Variants in ZFAT observed in about 807,000 individuals in gnomAD.
ZFAT encodes the protein zinc finger protein ZFAT.
A neutral mutation model predicts 117.7 loss-of-function variants in ZFAT; 64 were observed. The observed-to-expected ratio is 0.54, with a 90% CI of 0.44 to 0.67. The LOEUF (loss-of-function observed/expected upper bound fraction) is 0.67, where lower values mean the gene tolerates loss of function less well. Among genes scored for constraint, ZFAT ranks in the 30% least tolerant of loss-of-function variants. ZFAT has a pLI of 0.00. For missense variants in ZFAT, 1,433 were observed against 1,584.5 expected (o/e 0.90, Z 1.62); for synonymous variants, 679 against 615.0 (o/e 1.10, Z -1.54).
At chr8:134,585,145 C>T (rs778070354) in intron 9 of ZFAT, among the ~76,000 whole-genome samples, 9 of 152,218 alleles carry the variant, frequency 5.9e-5, no homozygotes, top group Non-Finnish European at 1.3e-4. Flanking sequence ...ACGAAGTCTT[C>T]AGAGCACCAG....
chr8:134,564,920 C>G, intron 11 of ZFAT: 1 of 1,201,026 alleles, frequency 8.3e-7, no homozygotes. Context: ...CTCCCGAACA[C>G]AATCTCCAGT....
chr8:134,698,846 T>C (rs1439019597), intron 1 of ZFAT, among the ~76,000 whole-genome samples: 1 of 152,140 alleles, frequency 6.6e-6, no homozygotes, highest in East Asian at 1.9e-4. Context: ...TCACCAAAAC[T>C]CTTTTCCCAA....
chr8:134,819,502 C>CG, the ZFAT span, among the ~76,000 whole-genome samples: 15 of 89,802 alleles, frequency 1.7e-4, no homozygotes, highest in Non-Finnish European at 3.1e-4. Context: ...TACCACCCCC[C>CG]CCCCCCGCCC....
the ZFAT span, among the ~76,000 whole-genome samples, chr8:134,781,398 A>G: frequency 6.6e-6 from 1 of 152,092 alleles, no homozygotes; most frequent in African/African-American, 2.4e-5. Flanking sequence ...TACCACTTTT[A>G]TCTTAACTTA....
At chr8:134,750,775 C>CA in the ZFAT span, among the ~76,000 whole-genome samples, 3 of 152,046 alleles carry the variant, frequency 2.0e-5, no homozygotes, top group Non-Finnish European at 4.4e-5. Context: ...CAAAAACAAA[C>CA]AAAAATGTAT....
At chr8:134,739,185 T>C in the ZFAT span, among the ~76,000 whole-genome samples, 1 of 152,126 alleles carries the variant, frequency 6.6e-6, no homozygotes, top group African/African-American at 2.4e-5. Flanking sequence ...AAATATCTAT[T>C]AGAAGACCAC....
At chr8:134,572,910 T>A (rs1252192487) in intron 10 of ZFAT, among the ~76,000 whole-genome samples, 1 of 152,048 alleles carries the variant, frequency 6.6e-6, no homozygotes, top group Non-Finnish European at 1.5e-5. Context: ...CAGGCCCAGA[T>A]GGTAAAATGG....
intron 3 of ZFAT, among the ~76,000 whole-genome samples, chr8:134,628,675 T>C (rs1204967889): frequency 1.3e-5 from 2 of 152,214 alleles, no homozygotes; most frequent in African/African-American, 4.8e-5. Flanking sequence ...ATAACACCTA[T>C]AGCATATTAA....
intron 11 of ZFAT, among the ~76,000 whole-genome samples, chr8:134,542,414 A>AT: frequency 6.6e-6 from 1 of 152,218 alleles, no homozygotes. Context: ...GGTAATTAGC[A>AT]TAATACCAAA....
intron 3 of ZFAT, among the ~76,000 whole-genome samples, chr8:134,620,678 A>G (rs1422011914): frequency 1.3e-5 from 2 of 152,232 alleles, no homozygotes; most frequent in Admixed American, 1.3e-4. Flanking sequence ...GATACAGCGC[A>G]GGGCCAAAGA....
intron 11 of ZFAT, among the ~76,000 whole-genome samples, chr8:134,546,903 TA>T (rs1822742769): frequency 6.6e-6 from 1 of 152,228 alleles, no homozygotes; most frequent in African/African-American, 2.4e-5. Context: ...ACGCCTCAGT[TA>T]AAGGAACAGA....
At chr8:134,647,251 T>C (rs1161536931) in intron 2 of ZFAT, among the ~76,000 whole-genome samples, 1 of 152,184 alleles carries the variant, frequency 6.6e-6, no homozygotes, top group East Asian at 1.9e-4. Context: ...ATAACATTTA[T>C]AGAATTAAGG....
chr8:134,746,975 G>C, the ZFAT span, among the ~76,000 whole-genome samples: 53,932 of 152,168 alleles, frequency 0.35, 9,855 homozygotes, highest in Admixed American at 0.44. Context: ...AAGCTGTGCT[G>C]ATTCTTAGTC....
intron 3 of ZFAT, among the ~76,000 whole-genome samples, chr8:134,620,618 C>A (rs916528909): frequency 6.6e-6 from 1 of 152,172 alleles, no homozygotes; most frequent in Admixed American, 6.5e-5. Flanking sequence ...ATACAATGAA[C>A]CTTCTGGTAA....
Position 134,520,875 on chromosome 8 carries a change from A to G in ZFAT, c.3234+8T>C. On this transcript the variant is annotated splice_region_variant and intron_variant, in intron 13 of 15. Coordinates refer to ENST00000377838, the MANE Select transcript of ZFAT (RefSeq NM_020863.4). ...TGTCAAGATTAATACCATACTTAAAAAAATTACCTCCCACTTGGGGTCTCC... is the reference window on the plus strand; with the variant it reads ...TGTCAAGATTAATACCATACTTAAAGAAATTACCTCCCACTTGGGGTCTCC... The G allele has an allele frequency of 6.2e-7, 1 of 1,611,638 alleles. No homozygotes were observed. Among genetic ancestry groups the G allele is most frequent in the Non-Finnish European group, 8.5e-7 (1 of 1,178,180 alleles).
At chr8:134,813,189 G>T in the ZFAT span, among the ~76,000 whole-genome samples, 1 of 152,130 alleles carries the variant, frequency 6.6e-6, no homozygotes, top group Non-Finnish European at 1.5e-5. Flanking sequence ...ATAAAGATGA[G>T]AAAACAATAA....
intron 10 of ZFAT, among the ~76,000 whole-genome samples, chr8:134,566,766 T>C (rs1045141315): frequency 3.3e-5 from 5 of 152,178 alleles, no homozygotes; most frequent in South Asian, 2.1e-4. Flanking sequence ...CCCACTATGA[T>C]GCCAAGCCAA....
chr8:134,663,179 A>G (rs1055509863), intron 1 of ZFAT, among the ~76,000 whole-genome samples: 11 of 152,264 alleles, frequency 7.2e-5, no homozygotes, highest in African/African-American at 2.7e-4. Flanking sequence ...TCAACACACA[A>G]GCAAGTTCCC....
chr8:134,693,843 A>G (rs1833699735), intron 1 of ZFAT, among the ~76,000 whole-genome samples: 1 of 152,226 alleles, frequency 6.6e-6, no homozygotes, highest in African/African-American at 2.4e-5. Flanking sequence ...AAGGGGAAAT[A>G]CAGTAACTTT....
Sources: gnomAD v4.1 joint callset for allele counts (sites outside exome capture counted in the v4.1 genomes callset) on GRCh38, gnomAD v4.1.1 for gene constraint, MANE v1.5 for transcripts, NCBI Gene and HGNC (gene_info 2026-07-23, HGNC 2026-07-21) for gene names.